The following PSD2 variants were observed in gnomAD, a reference collection of about 807,000 sequenced individuals.
PSD2 encodes the protein PH and SEC7 domain-containing protein 2.
PSD2 carries 38 observed loss-of-function variants against 69.8 expected under a neutral mutation model. The observed-to-expected ratio is 0.54, with a 90% CI of 0.42 to 0.71. The LOEUF (loss-of-function observed/expected upper bound fraction) is 0.71. Ranked by LOEUF, PSD2 falls within the 30% of genes least tolerant of loss-of-function variation. The probability of loss-of-function intolerance (pLI) is 0.00; values close to 1 mark genes in which losing one functional copy is unlikely to be tolerated. For synonymous variants in PSD2, 412 were observed against 423.0 expected (o/e 0.97, Z 0.32); for missense variants, 943 against 1,014.5 (o/e 0.93, Z 0.96).
In PSD2 at chr5:139,809,559, A is replaced by G. The variant is rs1303315446; in HGVS notation, c.119A>G (p.Asn40Ser). 1 of 1,614,014 alleles carries G rather than the reference A, an allele frequency of 6.2e-7. No homozygotes were observed. Among genetic ancestry groups the G allele is most frequent in the East Asian group, 2.2e-5 (1 of 44,888 alleles). Residue 40 changes from asparagine (N) to serine (S), a missense_variant, in exon 2 of 15, where the codon AAC becomes AGC. Around this residue, in one of 3 missense-constraint regions of PSD2, gnomAD observed 466 missense variants for 445.0 expected, o/e 1.05. Transcript: ENST00000274710. Reference sequence around the variant, plus strand: ...AATGGGATGGCCAGTGAGGGCCTGAACAGCAGCCTCTGCAGCCCAGGGCAC... The same window carrying G: ...AATGGGATGGCCAGTGAGGGCCTGAGCAGCAGCCTCTGCAGCCCAGGGCAC... Reference protein sequence around the residue: ...VRNGMASEGLNSSLCSPGHER... With the variant: ...VRNGMASEGLSSSLCSPGHER...
At chr5:139,790,977 G>C (rs1759406685), upstream of PSD2, among the ~76,000 whole-genome samples, 2 of 152,140 alleles carry the variant, frequency 1.3e-5, no homozygotes, top group African/African-American at 4.8e-5. Context: ...CTTGAACCCA[G>C]GAGGTGGGGG....
In PSD2 at chr5:139,830,557, C is replaced by CCTTT. The variant is rs1491324426; in HGVS notation, c.1270-3142_1270-3141insTCTT. Among the ~76,000 whole-genome samples, 8 of 133,056 alleles carry CCTTT rather than the reference C, an allele frequency of 6.0e-5. No homozygotes were observed. In the South Asian group the frequency reaches 1.4e-3, roughly 24 times the overall value. 87.3% of individuals were successfully genotyped at this position (133,056 alleles called of 152,430 possible). The stretch of plus-strand genomic sequence containing the variant: ...TCCTTCCTTCCTTCCTTCCTTCCTT[C>CCTTT]CTTCCTTCCTTTCTTTCTTTCTTTC... On this transcript the variant is annotated intron_variant, in intron 7 of 14. Transcript: ENST00000274710.
chr5:139,799,753 C>T (rs182201710), intron 1 of PSD2, among the ~76,000 whole-genome samples: 42 of 151,638 alleles, frequency 2.8e-4, no homozygotes, highest in African/African-American at 8.7e-4. Flanking sequence ...GTTTGGGGGC[C>T]CTGCTGGGAG....
intron 2 of PSD2, among the ~76,000 whole-genome samples, chr5:139,811,056 G>A (rs574960615): frequency 6.6e-6 from 1 of 152,312 alleles, no homozygotes; most frequent in African/African-American, 2.4e-5. Flanking sequence ...GCCCAGCACA[G>A]GCCTGGCAGA....
chr5:139,831,233 G>A (rs997739693), intron 7 of PSD2, among the ~76,000 whole-genome samples: 3 of 152,066 alleles, frequency 2.0e-5, no homozygotes, highest in African/African-American at 7.2e-5. Context: ...TCAGACATTA[G>A]TGTAGCTATA....
At chr5:139,777,117 G>A in the PSD2 span, among the ~76,000 whole-genome samples, 341 of 152,248 alleles carry the variant, frequency 2.2e-3, no homozygotes, top group African/African-American at 7.9e-3. Context: ...CCCCATTCCA[G>A]CCTTTTCTCC....
intron 7 of PSD2, among the ~76,000 whole-genome samples, chr5:139,827,049 A>G (rs1300540629): frequency 6.6e-6 from 1 of 152,198 alleles, no homozygotes; most frequent in Non-Finnish European, 1.5e-5. Flanking sequence ...AGAGAATACC[A>G]TGGGACAGTT....
chr5:139,765,089 C>A, the PSD2 span, among the ~76,000 whole-genome samples: 1 of 152,092 alleles, frequency 6.6e-6, no homozygotes, highest in Non-Finnish European at 1.5e-5. Flanking sequence ...CCCTCACCCT[C>A]TCAGTTGTGC....
At chr5:139,836,289 C>T (rs1426258802) in intron 9 of PSD2, among the ~76,000 whole-genome samples, 1 of 152,162 alleles carries the variant, frequency 6.6e-6, no homozygotes, top group African/African-American at 2.4e-5. Context: ...TGCTGTGTTC[C>T]CCAGGGCAGG....
At chr5:139,789,076 C>G in the PSD2 span, among the ~76,000 whole-genome samples, 1 of 152,210 alleles carries the variant, frequency 6.6e-6, no homozygotes, top group African/African-American at 2.4e-5. Flanking sequence ...GCTCCCTGCC[C>G]CGGCTCCTGA....
intron 7 of PSD2, among the ~76,000 whole-genome samples, chr5:139,825,593 G>A (rs1476656458): frequency 6.6e-6 from 1 of 151,798 alleles, no homozygotes; most frequent in Admixed American, 6.6e-5. Context: ...TGCTGATGGG[G>A]TTGGTCAGTG....
chr5:139,840,256 A>G, intron 14 of PSD2, 86 bp downstream of exon 14: 1 of 1,468,890 alleles, frequency 6.8e-7, no homozygotes, highest in Admixed American at 1.8e-5. Context: ...GGGGAGGTGA[A>G]GCCTAGTGAT....
chr5:139,838,742 G>A lies in PSD2; in HGVS notation c.1938G>A (p.Leu646=). The A allele has an allele frequency of 4.3e-6, 7 of 1,613,570 alleles. No homozygotes were observed. The highest frequency in any genetic ancestry group is 2.2e-5 in the East Asian group (1 of 44,878). Residue 646 remains leucine, a synonymous_variant, in exon 13 of 15, where the codon CTG becomes CTA. Transcript: ENST00000274710. ...VSSMKKFCRP[L]LPSCTTRLCQ... is the part of the protein sequence containing the mutation. ...CCATGAAGAAGTTCTGTCGGCCCCTGCTGCCCTCCTGCACCACCCGCCTCT... is the reference window on the plus strand; with the variant it reads ...CCATGAAGAAGTTCTGTCGGCCCCTACTGCCCTCCTGCACCACCCGCCTCT...
chr5:139,768,069 G>A, the PSD2 span, among the ~76,000 whole-genome samples: 1 of 152,266 alleles, frequency 6.6e-6, no homozygotes, highest in Non-Finnish European at 1.5e-5. Flanking sequence ...CCCCCCGCCA[G>A]GGAGGGCAAA....
chr5:139,824,062 C>T (rs542320745), intron 7 of PSD2, among the ~76,000 whole-genome samples: 78 of 152,382 alleles, frequency 5.1e-4, no homozygotes, highest in African/African-American at 1.8e-3. Context: ...GCCCATGAGC[C>T]TGCTGCTGTT....
the PSD2 span, among the ~76,000 whole-genome samples, chr5:139,779,233 A>G: frequency 6.6e-6 from 1 of 152,194 alleles, no homozygotes; most frequent in Non-Finnish European, 1.5e-5. Context: ...GCCATCACCT[A>G]AGCAGTATAC....
chr5:139,763,343 C>T, the PSD2 span, among the ~76,000 whole-genome samples: 55 of 152,292 alleles, frequency 3.6e-4, no homozygotes, highest in Admixed American at 1.5e-3. Flanking sequence ...TCATTCACTG[C>T]GCTCACTGTC....
At chr5:139,823,417 C>T (rs1760324894) in intron 7 of PSD2, among the ~76,000 whole-genome samples, 1 of 152,206 alleles carries the variant, frequency 6.6e-6, no homozygotes, top group Admixed American at 6.5e-5. Context: ...CCCATCTCTG[C>T]CCCATCATTG....
chr5:139,771,346 G>A, the PSD2 span, among the ~76,000 whole-genome samples: 1 of 152,212 alleles, frequency 6.6e-6, no homozygotes, highest in African/African-American at 2.4e-5. Context: ...GAGCGCAGGA[G>A]TGCAGGCAGG....
Sources: allele counts gnomAD v4.1 joint callset (sites outside exome capture counted in the v4.1 genomes callset), GRCh38; gene constraint gnomAD v4.1.1; regional missense constraint gnomAD v4.1.1; transcripts MANE v1.5; gene names NCBI Gene and HGNC (gene_info 2026-07-23, HGNC 2026-07-21).